Variants in DAAM1 observed in about 807,000 individuals in gnomAD.
The protein encoded by DAAM1 is dishevelled associated activator of morphogenesis 1.
DAAM1 carries 52 observed loss-of-function variants against 130.0 expected under a neutral mutation model. That is an observed-to-expected ratio of 0.40 (90% CI 0.32 to 0.50). DAAM1 has a LOEUF of 0.50. DAAM1 is among the 20% of genes least tolerant of loss of function. DAAM1 has a pLI of 0.61. For missense variants in DAAM1, 1,134 were observed against 1,303.8 expected (o/e 0.87, Z 2.01); for synonymous variants, 452 against 444.5 (o/e 1.02, Z -0.21).
chr14:59,233,202 A>C (rs1449747375), intron 1 of DAAM1, among the ~76,000 whole-genome samples: 1 of 152,200 alleles, frequency 6.6e-6, no homozygotes, highest in Non-Finnish European at 1.5e-5. Flanking sequence ...TAGATCCTTG[A>C]GGAATCACCA....
intron 3 of DAAM1, among the ~76,000 whole-genome samples, chr14:59,303,096 A>G (rs1047483545): frequency 3.3e-5 from 5 of 152,238 alleles, no homozygotes; most frequent in South Asian, 2.1e-4. Context: ...CAACAGTGCT[A>G]TGGTGGAACC....
At chr14:59,319,642 T>TG (rs964939780) in intron 4 of DAAM1, among the ~76,000 whole-genome samples, 1 of 152,128 alleles carries the variant, frequency 6.6e-6, no homozygotes, top group African/African-American at 2.4e-5. Flanking sequence ...TCATAAGACT[T>TG]GGGGTACTTT....
intron 2 of DAAM1, among the ~76,000 whole-genome samples, chr14:59,280,703 G>A (rs1295571809): frequency 6.6e-6 from 1 of 152,000 alleles, no homozygotes; most frequent in Non-Finnish European, 1.5e-5. Context: ...ACAAAGTACA[G>A]AGGAGCTACT....
At chr14:59,274,884 G>A (rs766266436) in intron 2 of DAAM1, among the ~76,000 whole-genome samples, 6 of 152,204 alleles carry the variant, frequency 3.9e-5, no homozygotes, top group Non-Finnish European at 8.8e-5. Context: ...AGATTAAAAG[G>A]ATAAGGGTGA....
intron 1 of DAAM1, among the ~76,000 whole-genome samples, chr14:59,210,617 C>T (rs1888398710): frequency 6.6e-6 from 1 of 152,222 alleles, no homozygotes; most frequent in African/African-American, 2.4e-5. Context: ...ATTATCTTAA[C>T]ATACCCTCTC....
chr14:59,324,104 C>A, intron 6 of DAAM1, 24 bp from the exon 7 acceptor site: 1 of 1,336,586 alleles, frequency 7.5e-7, no homozygotes, highest in Non-Finnish European at 9.8e-7. Context: ...ACGTTTCAGT[C>A]CTTTGTTTTT....
intron 17 of DAAM1, among the ~76,000 whole-genome samples, chr14:59,347,824 G>T (rs1406863350): frequency 6.6e-6 from 1 of 152,186 alleles, no homozygotes; most frequent in Non-Finnish European, 1.5e-5. Flanking sequence ...GGGTGAGAAA[G>T]AAGATCAAGT....
intron 1 of DAAM1, among the ~76,000 whole-genome samples, chr14:59,216,355 C>T (rs761536757): frequency 2.6e-5 from 4 of 152,094 alleles, no homozygotes; most frequent in Non-Finnish European, 5.9e-5. Context: ...GGACAGCTGC[C>T]TGTTTATTAT....
chr14:59,319,050 A>G (rs1272440303), intron 4 of DAAM1, among the ~76,000 whole-genome samples: 3 of 152,214 alleles, frequency 2.0e-5, no homozygotes, highest in African/African-American at 7.2e-5. Flanking sequence ...ATAAGAGTCC[A>G]AACGAGTTCA....
intron 1 of DAAM1, among the ~76,000 whole-genome samples, chr14:59,245,198 G>T (rs923250230): frequency 2.0e-5 from 3 of 152,114 alleles, no homozygotes; most frequent in Admixed American, 1.3e-4. Flanking sequence ...TTATTTTGGG[G>T]TCTCTTTTGA....
chr14:59,286,697 C>T (rs910873225), intron 2 of DAAM1, among the ~76,000 whole-genome samples: 8 of 152,080 alleles, frequency 5.3e-5, no homozygotes, highest in African/African-American at 1.9e-4. Flanking sequence ...TGGATACATT[C>T]CCAGAAACAC....
At chr14:59,346,920 G>C (rs1886104228) in intron 16 of DAAM1, among the ~76,000 whole-genome samples, 1 of 152,006 alleles carries the variant, frequency 6.6e-6, no homozygotes, top group South Asian at 2.1e-4. Context: ...TTTGTATAAA[G>C]AGTTTGAGAT....
intron 21 of DAAM1, among the ~76,000 whole-genome samples, 185 bp downstream of exon 21, chr14:59,359,689 T>A (rs1404747349): frequency 5.3e-5 from 8 of 152,252 alleles, no homozygotes; most frequent in African/African-American, 1.9e-4. Context: ...ATGTTTGTTC[T>A]AGCTTCTTTG....
chr14:59,325,786 T>C, intron 9 of DAAM1, 56 bp downstream of exon 9: 2 of 1,589,126 alleles, frequency 1.3e-6, no homozygotes, highest in Non-Finnish European at 1.7e-6. Flanking sequence ...TATTTCTGTC[T>C]GTAATGTGTG....
At chr14:59,219,677 C>T (rs900720500) in intron 1 of DAAM1, among the ~76,000 whole-genome samples, 1 of 152,178 alleles carries the variant, frequency 6.6e-6, no homozygotes, top group African/African-American at 2.4e-5. Flanking sequence ...ATAGTCAAGA[C>T]TTAGTGCCAG....
chr14:59,197,727 G>A (rs1456057006), intron 1 of DAAM1, among the ~76,000 whole-genome samples: 1 of 152,014 alleles, frequency 6.6e-6, no homozygotes, highest in Non-Finnish European at 1.5e-5. Flanking sequence ...CTGAAGTTAC[G>A]TTTCTTCCAT....
At chr14:59,275,450 A>G (rs1039347161) in intron 2 of DAAM1, among the ~76,000 whole-genome samples, 1 of 152,330 alleles carries the variant, frequency 6.6e-6, no homozygotes, top group Non-Finnish European at 1.5e-5. Context: ...AAAAAAATTT[A>G]TCTAGTAAGA....
chr14:59,253,603 G>A (rs1881741524), intron 1 of DAAM1, among the ~76,000 whole-genome samples: 1 of 152,192 alleles, frequency 6.6e-6, no homozygotes. Flanking sequence ...CATTTACCAA[G>A]TATGCCAAGA....
intron 2 of DAAM1, among the ~76,000 whole-genome samples, chr14:59,289,784 A>ATATATATATATACACATATATATAT: frequency 7.8e-6 from 1 of 128,772 alleles, no homozygotes; most frequent in African/African-American, 2.9e-5. Flanking sequence ...ATATATATAT[A>ATATATATATATACACATATATATAT]ATGGAATGCT....
Sources: allele counts gnomAD v4.1 joint callset (sites outside exome capture counted in the v4.1 genomes callset), GRCh38; gene constraint gnomAD v4.1.1; transcripts MANE v1.5; gene names NCBI Gene and HGNC (gene_info 2026-07-23, HGNC 2026-07-21).